LMTK2: variants seen among roughly 807,000 people sequenced by gnomAD.
LMTK2 encodes the protein serine/threonine-protein kinase LMTK2.
Under a neutral mutation model 127.5 loss-of-function variants are expected in LMTK2, and 37 were observed. The ratio of observed to expected loss-of-function variants is 0.29; its 90% CI spans 0.22 to 0.38. The LOEUF (loss-of-function observed/expected upper bound fraction) is 0.38. Ranked by LOEUF, LMTK2 falls within the 10% of genes least tolerant of loss-of-function variation. The pLI is 1.00. For synonymous variants in LMTK2, 819 were observed against 810.1 expected (o/e 1.01, Z -0.19); for missense variants, 1,694 against 1,920.3 (o/e 0.88, Z 2.20).
chr7:98,151,212 C>G (rs1194618644), intron 3 of LMTK2, among the ~76,000 whole-genome samples, 170 bp from the exon 4 acceptor site: 1 of 152,108 alleles, frequency 6.6e-6, no homozygotes, highest in African/African-American at 2.4e-5. Context: ...AAAATATTGT[C>G]AGTTTTAAAG....
At chr7:98,120,530 G>A (rs1401592469) in intron 1 of LMTK2, among the ~76,000 whole-genome samples, 3 of 152,164 alleles carry the variant, frequency 2.0e-5, no homozygotes, top group Non-Finnish European at 4.4e-5. Flanking sequence ...CAAAACTAAA[G>A]TGTTGTGATC....
In LMTK2 at chr7:98,207,153, T is replaced by C. The variant is rs58880085; in HGVS notation, c.*1661T>C. ...AGGCAGCCGTTCCTTCGGGGGTCCTTGGGCCTGCAGTCCCCTCATACTCAC... is the reference window on the plus strand; with the variant it reads ...AGGCAGCCGTTCCTTCGGGGGTCCTCGGGCCTGCAGTCCCCTCATACTCAC... On this transcript the variant is annotated 3_prime_UTR_variant, in exon 14 of 14. Coordinates refer to ENST00000297293, the MANE Select transcript of LMTK2 (RefSeq NM_014916.4). 8,584 of 152,462 alleles carry C rather than the reference T, an allele frequency of 0.056. 602 individuals are homozygous for C. Among genetic ancestry groups the C allele is most frequent in the East Asian group, 0.33 (1,716 of 5,154 alleles). The allele number at this position is 152,462 out of a possible 1,614,324, so 9.4% of individuals were successfully genotyped here.
In LMTK2 at chr7:98,107,254, C is replaced by T. The variant is rs1222057477; in HGVS notation, c.77C>T (p.Ala26Val). The T allele has an allele frequency of 7.0e-6, 10 of 1,436,442 alleles. No individual in the cohort carries two copies. In the South Asian group the frequency reaches 1.2e-4, roughly 18 times the overall value. The allele number at this position is 1,436,442 out of a possible 1,614,324, so 89.0% of individuals were successfully genotyped here. A position where few individuals can be genotyped will look rare whatever the true frequency, so the allele number is the denominator to read the frequency against. ...CTCCTGATCGCCGGCAGTGCTGGGG[C>T]CGCGCCACTTCCGCAAACAGGTGCA... Reference protein sequence around the residue: ...LVLLIAGSAGAAPLPQTGAGE... With the variant: ...LVLLIAGSAGVAPLPQTGAGE... Residue 26 changes from alanine (A) to valine (V), a missense_variant, in exon 1 of 14, where the codon GCC becomes GTC. Around this residue, in one of 8 missense-constraint regions of LMTK2, gnomAD observed 76 missense variants for 82.0 expected, o/e 0.93. Transcript: ENST00000297293.
At chr7:98,113,842 A>C (rs1286071097) in intron 1 of LMTK2, among the ~76,000 whole-genome samples, 1 of 152,202 alleles carries the variant, frequency 6.6e-6, no homozygotes, top group East Asian at 1.9e-4. Context: ...TTAAAATTGT[A>C]GCAAGTGGCT....
intron 1 of LMTK2, among the ~76,000 whole-genome samples, chr7:98,128,622 C>G (rs997012485): frequency 1.3e-5 from 2 of 152,182 alleles, no homozygotes; most frequent in Non-Finnish European, 2.9e-5. Flanking sequence ...TGTTTTGTTC[C>G]TAAACACACG....
intron 9 of LMTK2, among the ~76,000 whole-genome samples, chr7:98,187,849 G>A (rs1041831269): frequency 2.8e-4 from 42 of 152,108 alleles, no homozygotes; most frequent in African/African-American, 3.6e-4. Flanking sequence ...CGCCTGCCTC[G>A]TCCTCCCAAA....
At chr7:98,117,973 CCAAA>C (rs1796311452) in intron 1 of LMTK2, among the ~76,000 whole-genome samples, 1 of 152,014 alleles carries the variant, frequency 6.6e-6, no homozygotes, top group Non-Finnish European at 1.5e-5. Context: ...TCAAAAAAAA[CCAAA>C]CAAACAAAAA....
chr7:98,158,077 G>A (rs183801276), intron 5 of LMTK2, among the ~76,000 whole-genome samples: 54 of 152,234 alleles, frequency 3.5e-4, no homozygotes, highest in Non-Finnish European at 6.3e-4. Context: ...GTTCATAATT[G>A]TATCAAAATA....
At chr7:98,146,593 A>G (rs571163278) in intron 3 of LMTK2, among the ~76,000 whole-genome samples, 56 of 152,278 alleles carry the variant, frequency 3.7e-4, no homozygotes, top group African/African-American at 7.2e-4. Context: ...CAAATTGATA[A>G]CACTTTTGAA....
chr7:98,163,521 C>A (rs1383105376), intron 6 of LMTK2, among the ~76,000 whole-genome samples: 1 of 152,166 alleles, frequency 6.6e-6, no homozygotes, highest in Non-Finnish European at 1.5e-5. Flanking sequence ...CATATCACTT[C>A]TGGGCTCTCG....
intron 7 of LMTK2, among the ~76,000 whole-genome samples, chr7:98,172,142 G>A (rs1325545439): frequency 6.6e-6 from 1 of 152,158 alleles, no homozygotes; most frequent in Non-Finnish European, 1.5e-5. Context: ...TGAAGGGTGG[G>A]CTTCAGGTGC....
At position 98,143,923 on chromosome 7, in the gene LMTK2, C is replaced by G. The variant is rs554438250; in HGVS notation, c.376+2382C>G. 3.3e-5 allele frequency among the ~76,000 whole-genome samples: 5 copies of G among 152,224 alleles called. No individual in the cohort carries two copies. The South Asian group carries it at 1.0e-3, about 32-fold the overall frequency. ...TTTGCTAAATTATAGTCAATCAATA[C>G]AGTGGCGATTTATGTGTTCCTATAA... On this transcript the variant is annotated intron_variant, in intron 3 of 13. Transcript: ENST00000297293.
intron 11 of LMTK2, among the ~76,000 whole-genome samples, chr7:98,202,249 A>G (rs2088171): frequency 0.99 from 150,795 of 152,334 alleles, 74,651 homozygotes; most frequent in Middle Eastern, 1. Context: ...TTTGGTTATT[A>G]TACTTTTCTT....
chr7:98,116,938 C>T (rs1796295387), intron 1 of LMTK2, among the ~76,000 whole-genome samples: 1 of 152,196 alleles, frequency 6.6e-6, no homozygotes, highest in Admixed American at 6.5e-5. Context: ...ATGTTTTTCT[C>T]ACGATTAGAC....
intron 1 of LMTK2, among the ~76,000 whole-genome samples, chr7:98,116,301 T>C (rs1796282550): frequency 6.6e-6 from 1 of 152,116 alleles, no homozygotes; most frequent in Non-Finnish European, 1.5e-5. Context: ...ATGTCACAGG[T>C]TGTAGATGCT....
intron 7 of LMTK2, among the ~76,000 whole-genome samples, chr7:98,179,388 G>A (rs1011750052): frequency 6.6e-6 from 1 of 152,170 alleles, no homozygotes; most frequent in Non-Finnish European, 1.5e-5. Flanking sequence ...TCTGGTCTCA[G>A]GAGGGAGATG....
intron 7 of LMTK2, among the ~76,000 whole-genome samples, chr7:98,177,527 G>A (rs976759020): frequency 1.3e-5 from 2 of 152,110 alleles, no homozygotes; most frequent in East Asian, 1.9e-4. Context: ...ACAGGGTCTC[G>A]CTCTGTCACC....
intron 1 of LMTK2, among the ~76,000 whole-genome samples, chr7:98,117,480 T>TTGGC (rs1236304029): frequency 4.6e-5 from 7 of 152,250 alleles, no homozygotes; most frequent in African/African-American, 1.7e-4. Context: ...TGTACCAGCT[T>TTGGC]TGGCCATCGA....
intron 1 of LMTK2, among the ~76,000 whole-genome samples, chr7:98,113,920 T>A (rs1796240188): frequency 6.7e-6 from 1 of 149,958 alleles, no homozygotes; most frequent in Admixed American, 6.8e-5. Flanking sequence ...AAAAGTAACC[T>A]CATTATTAAA....
Sources: gnomAD v4.1 joint callset for allele counts (sites outside exome capture counted in the v4.1 genomes callset) on GRCh38, gnomAD v4.1.1 for gene constraint, gnomAD v4.1.1 regional missense constraint, MANE v1.5 for transcripts, NCBI Gene and HGNC (gene_info 2026-07-23, HGNC 2026-07-21) for gene names.